The following CEP128 variants were observed in gnomAD, a reference collection of about 807,000 sequenced individuals.
CEP128 encodes centrosomal protein 128.
CEP128 carries 132 observed loss-of-function variants against 156.7 expected under a neutral mutation model. The observed-to-expected ratio is 0.84, with a 90% CI of 0.73 to 0.97. CEP128 has a LOEUF of 0.97. CEP128 is among the 50% of genes least tolerant of loss of function. The probability of loss-of-function intolerance (pLI) is 0.00; values close to 1 mark genes in which losing one functional copy is unlikely to be tolerated. For missense variants in CEP128, 1,252 were observed against 1,281.9 expected (o/e 0.98, Z 0.36); for synonymous variants, 469 against 448.9 (o/e 1.04, Z -0.57).
At chr14:80,581,455 C>T (rs1891589535) in intron 19 of CEP128, among the ~76,000 whole-genome samples, 1 of 152,140 alleles carries the variant, frequency 6.6e-6, no homozygotes, top group South Asian at 2.1e-4. Context: ...CAAAGTCATG[C>T]TGGTGTGTTG....
At position 80,647,098 on chromosome 14, in the gene CEP128, AATACACATACACACACACACACACAC is replaced by A. The variant is rs1472302758; in HGVS notation, c.2807-66701_2807-66676del. Reference sequence around the variant, plus strand: ...ATATATATATATATACACCCTTATAAATACACATACACACACACACACACACATACACACACACACACACACACACT... The same window carrying A: ...ATATATATATATATACACCCTTATAAATACACACACACACACACACACACT... On this transcript the variant is annotated intron_variant, in intron 19 of 24. Coordinates refer to ENST00000555265, the MANE Select transcript of CEP128 (RefSeq NM_152446.5). Among the ~76,000 whole-genome samples the A allele has an allele frequency of 1.2e-3, 101 of 85,374 alleles. 1 individual carries two copies. Among genetic ancestry groups the A allele is most frequent in the African/African-American group, 4.4e-3 (101 of 22,756 alleles). 56.0% of individuals were successfully genotyped at this position (85,374 alleles called of 152,430 possible).
intron 24 of CEP128, among the ~76,000 whole-genome samples, chr14:80,501,455 G>A (rs555350378): frequency 6.6e-6 from 1 of 152,082 alleles, no homozygotes; most frequent in South Asian, 2.1e-4. Context: ...TCTACTTTTA[G>A]AAATACAAAC....
intron 13 of CEP128, among the ~76,000 whole-genome samples, chr14:80,823,985 G>A (rs1190906789): frequency 6.6e-6 from 1 of 152,212 alleles, no homozygotes; most frequent in Non-Finnish European, 1.5e-5. Flanking sequence ...TAGGCATCCA[G>A]GCATTTGCAT....
intron 4 of CEP128, among the ~76,000 whole-genome samples, chr14:80,909,403 A>ACACACACACACG (rs34728272): frequency 6.6e-6 from 1 of 150,584 alleles, no homozygotes; most frequent in Non-Finnish European, 1.5e-5. Flanking sequence ...ACACACACAC[A>ACACACACACACG]CGCAAACTCC....
intron 19 of CEP128, among the ~76,000 whole-genome samples, chr14:80,596,085 G>A (rs1892305369): frequency 2.1e-5 from 3 of 145,872 alleles, no homozygotes; most frequent in African/African-American, 2.5e-5. Flanking sequence ...GCAGAGGAGA[G>A]AAAATACAGA....
chr14:80,805,533 C>T (rs1460558068), intron 13 of CEP128, among the ~76,000 whole-genome samples: 1 of 152,048 alleles, frequency 6.6e-6, no homozygotes, highest in Non-Finnish European at 1.5e-5. Context: ...TAAAGTTTTG[C>T]TTTTATTGAA....
chr14:80,485,793 G>A (rs1887150759), downstream of CEP128, among the ~76,000 whole-genome samples: 1 of 152,206 alleles, frequency 6.6e-6, no homozygotes, highest in African/African-American at 2.4e-5. Flanking sequence ...CGTAGGAATT[G>A]AAGTATGTAA....
At chr14:80,812,534 G>A (rs1333641934) in intron 13 of CEP128, among the ~76,000 whole-genome samples, 6 of 152,150 alleles carry the variant, frequency 3.9e-5, no homozygotes, top group Non-Finnish European at 5.9e-5. Flanking sequence ...ATGGATAAGC[G>A]TTCCCTTTCT....
At chr14:80,777,302 A>T (rs1209704196) in intron 16 of CEP128, among the ~76,000 whole-genome samples, 4 of 152,146 alleles carry the variant, frequency 2.6e-5, no homozygotes, top group African/African-American at 7.2e-5. Context: ...TATAAAAGAG[A>T]CCCCAGAGAG....
At chr14:80,560,252 A>C (rs1530772) in intron 20 of CEP128, among the ~76,000 whole-genome samples, 86,023 of 151,878 alleles carry the variant, frequency 0.57, 24,669 homozygotes, top group East Asian at 0.72. Flanking sequence ...CTGGCAAAAC[A>C]CTGTCTCTAC....
chr14:80,502,055 C>A (rs1887762253), intron 24 of CEP128, among the ~76,000 whole-genome samples: 1 of 152,146 alleles, frequency 6.6e-6, no homozygotes, highest in Non-Finnish European at 1.5e-5. Flanking sequence ...GTGGTTATAA[C>A]TGTGAGTGCA....
At chr14:80,477,634 G>A (rs1218763600) in exon 15 of CEP128, 2 of 152,202 alleles carry the variant, frequency 1.3e-5, no homozygotes, top group Non-Finnish European at 2.9e-5. Context: ...ACCATGGAAA[G>A]CTTAGCGAGT....
At chr14:80,950,880 C>T (rs1594880048) in intron 2 of CEP128, among the ~76,000 whole-genome samples, 1 of 89,770 alleles carries the variant, frequency 1.1e-5, no homozygotes, top group South Asian at 3.5e-4. Flanking sequence ...CAACAAGTGA[C>T]AAAATCTGAA....
intron 19 of CEP128, among the ~76,000 whole-genome samples, chr14:80,629,338 G>T (rs1025385825): frequency 1.3e-5 from 2 of 152,106 alleles, no homozygotes; most frequent in African/African-American, 4.8e-5. Context: ...TTAACAGTGT[G>T]TTAAACATCT....
chr14:80,535,537 G>A (rs1889443398), intron 21 of CEP128, among the ~76,000 whole-genome samples: 1 of 152,168 alleles, frequency 6.6e-6, no homozygotes, highest in South Asian at 2.1e-4. Flanking sequence ...AATCTCACTG[G>A]TGCTAAAGAG....
chr14:80,646,593 A>G (rs1894642644), intron 19 of CEP128, among the ~76,000 whole-genome samples: 1 of 152,072 alleles, frequency 6.6e-6, no homozygotes, highest in African/African-American at 2.4e-5. Flanking sequence ...TATGTACACA[A>G]ACGTTATACA....
In CEP128 at chr14:80,682,708, T is replaced by C. The variant is rs374659731; in HGVS notation, c.2806+60367A>G. On this transcript the variant is annotated intron_variant, in intron 19 of 24. Coordinates refer to ENST00000555265, the MANE Select transcript of CEP128 (RefSeq NM_152446.5). ...GCAGCTAGAGCAAAAGGGCAGATCA[T>C]GTACAAAGGGAACTCAATCAGGCTA... is the stretch of plus-strand genomic sequence containing the variant. Among the ~76,000 whole-genome samples, 45 of 152,248 alleles carry C rather than the reference T, an allele frequency of 3.0e-4. No individual in the cohort carries two copies. In the East Asian group the frequency reaches 5.4e-3, roughly 18 times the overall value.
In CEP128 at chr14:80,530,871, A is replaced by G. The variant is rs1889193829; in HGVS notation, c.2896T>C (p.Leu966=). The change falls in exon 22 of 25, where the codon TTG becomes CTG. Residue 966 remains leucine (L), a synonymous_variant. Coordinates refer to ENST00000555265, the MANE Select transcript of CEP128 (RefSeq NM_152446.5). ...IALETSTQVA[L]DHLESVPEKL... ...TCAGGCACAGACTCCAGATGGTCCA[A>G]GGCCACTTGGGTACTCTGAAATAGA... The G allele has an allele frequency of 1.2e-6, 2 of 1,606,756 alleles. No individual in the cohort carries two copies. Among genetic ancestry groups the G allele is most frequent in the African/African-American group, 2.7e-5 (2 of 74,760 alleles).
At chr14:80,886,708 G>A (rs1888821405) in intron 8 of CEP128, among the ~76,000 whole-genome samples, 1 of 152,334 alleles carries the variant, frequency 6.6e-6, no homozygotes, top group Middle Eastern at 3.4e-3. Context: ...ACAATAGGAA[G>A]AAACCGCATT....
Sources: allele counts gnomAD v4.1 joint callset (sites outside exome capture counted in the v4.1 genomes callset), GRCh38; gene constraint gnomAD v4.1.1; transcripts MANE v1.5; gene names NCBI Gene and HGNC (gene_info 2026-07-23, HGNC 2026-07-21).